Variants in GRID2 observed in about 807,000 individuals in gnomAD.
GRID2 encodes glutamate ionotropic receptor delta type subunit 2, also known as glutamate receptor ionotropic, delta-2.
Under a neutral mutation model 114.8 loss-of-function variants are expected in GRID2, and 33 were observed. The ratio of observed to expected loss-of-function variants is 0.29; its 90% confidence interval spans 0.22 to 0.38. GRID2 has a LOEUF of 0.38. Among genes scored for constraint, GRID2 ranks in the 10% least tolerant of loss-of-function variants. The pLI is 1.00. For missense variants in GRID2, 1,184 were observed against 1,257.7 expected (o/e 0.94, Z 0.89); for synonymous variants, 505 against 449.9 (o/e 1.12, Z -1.55).
intron 2 of GRID2, among the ~76,000 whole-genome samples, chr4:92,921,453 C>A (rs973246675): frequency 6.8e-6 from 1 of 146,320 alleles, no homozygotes; most frequent in African/African-American, 2.6e-5. Context: ...AGTTTTTCTG[C>A]TGTTTTTTCC....
chr4:93,463,824 C>A (rs567675823), intron 11 of GRID2, among the ~76,000 whole-genome samples: 1 of 151,990 alleles, frequency 6.6e-6, no homozygotes, highest in Non-Finnish European at 1.5e-5. Flanking sequence ...CCTGTCTCTA[C>A]TAAAAATACA....
At chr4:92,411,631 G>A (rs1731309890) in intron 1 of GRID2, among the ~76,000 whole-genome samples, 1 of 86,584 alleles carries the variant, frequency 1.2e-5, no homozygotes, top group African/African-American at 4.7e-5. Context: ...ATGCATGTGT[G>A]TGTGTGTGTG....
At chr4:93,808,619 T>C (rs942394188) in exon 2 of GRID2, 4 of 152,302 alleles carry the variant, frequency 2.6e-5, no homozygotes, top group Non-Finnish European at 5.9e-5. Flanking sequence ...CCTCACAGAA[T>C]GACAAAGAAG....
chr4:93,116,710 C>T (rs1290185796), intron 4 of GRID2, among the ~76,000 whole-genome samples: 1 of 151,256 alleles, frequency 6.6e-6, no homozygotes, highest in Admixed American at 6.6e-5. Flanking sequence ...AGTTTCCGGC[C>T]TTGCTGGGAA....
chr4:93,424,303 A>G (rs1358511216), intron 10 of GRID2, among the ~76,000 whole-genome samples: 1 of 151,820 alleles, frequency 6.6e-6, no homozygotes, highest in African/African-American at 2.4e-5. Flanking sequence ...TTGAGCTCCC[A>G]TTTGGTATAA....
chr4:93,761,133 A>T (rs1433257975), intron 14 of GRID2, among the ~76,000 whole-genome samples: 1 of 152,236 alleles, frequency 6.6e-6, no homozygotes, highest in Non-Finnish European at 1.5e-5. Context: ...TGTGGACTCA[A>T]CACATGATCA....
intron 1 of GRID2, among the ~76,000 whole-genome samples, chr4:92,569,992 T>C (rs1727531096): frequency 6.6e-6 from 1 of 152,180 alleles, no homozygotes; most frequent in Non-Finnish European, 1.5e-5. Flanking sequence ...TTTTTGCTTT[T>C]GTTGCATAAC....
chr4:93,299,210 T>G (rs1212599896), intron 8 of GRID2, among the ~76,000 whole-genome samples: 1 of 152,256 alleles, frequency 6.6e-6, no homozygotes, highest in Middle Eastern at 3.4e-3. Flanking sequence ...TCTCAGGCAC[T>G]CGTAGCCCAC....
chr4:92,367,557 G>T (rs567297908), intron 1 of GRID2, among the ~76,000 whole-genome samples: 1 of 151,970 alleles, frequency 6.6e-6, no homozygotes, highest in African/African-American at 2.4e-5. Flanking sequence ...ACATACAGGG[G>T]TGACTAAAAC....
intron 8 of GRID2, among the ~76,000 whole-genome samples, chr4:93,303,305 C>T (rs1755066255): frequency 6.6e-6 from 1 of 152,114 alleles, no homozygotes; most frequent in Non-Finnish European, 1.5e-5. Context: ...CAAAATATGT[C>T]CTAGAAGCTA....
chr4:92,478,967 G>A (rs1331663244), intron 1 of GRID2, among the ~76,000 whole-genome samples: 1 of 152,084 alleles, frequency 6.6e-6, no homozygotes, highest in Non-Finnish European at 1.5e-5. Context: ...GGATTTATGA[G>A]TTTCCTTTGT....
intron 8 of GRID2, among the ~76,000 whole-genome samples, chr4:93,361,926 C>T (rs1185287566): frequency 6.6e-6 from 1 of 152,066 alleles, no homozygotes; most frequent in Non-Finnish European, 1.5e-5. Context: ...CTGCACCTAT[C>T]AACCCATCAC....
chr4:93,656,829 C>CAAAAA (rs61508444), intron 14 of GRID2, among the ~76,000 whole-genome samples: 26 of 31,910 alleles, frequency 8.1e-4, no homozygotes, highest in South Asian at 5.4e-3. Context: ...GACTCTGCCT[C>CAAAAA]AAAAAAAAAA....
chr4:92,657,195 C>T (rs1037455992), intron 2 of GRID2, among the ~76,000 whole-genome samples: 1 of 150,692 alleles, frequency 6.6e-6, no homozygotes, highest in Non-Finnish European at 1.5e-5. Context: ...GGCTCCAGGG[C>T]ATCACTTACT....
At chr4:92,987,007 T>A (rs1297908012) in intron 2 of GRID2, among the ~76,000 whole-genome samples, 1 of 152,112 alleles carries the variant, frequency 6.6e-6, no homozygotes, top group African/African-American at 2.4e-5. Context: ...ATGTATACCC[T>A]TGAACAAAGT....
At chr4:93,194,867 C>T (rs1741331286) in intron 4 of GRID2, among the ~76,000 whole-genome samples, 1 of 152,034 alleles carries the variant, frequency 6.6e-6, no homozygotes, top group Non-Finnish European at 1.5e-5. Flanking sequence ...TTGGGGTAGG[C>T]CCAGCAATCT....
intron 3 of GRID2, among the ~76,000 whole-genome samples, chr4:93,101,567 T>C (rs564034110): frequency 5.3e-5 from 8 of 152,222 alleles, no homozygotes; most frequent in African/African-American, 1.9e-4. Context: ...TAAAAGCCTT[T>C]TTTGGGGTCA....
At chr4:92,442,874 T>C (rs867044720) in intron 1 of GRID2, among the ~76,000 whole-genome samples, 102 of 150,508 alleles carry the variant, frequency 6.8e-4, no homozygotes, top group East Asian at 4.5e-3. Context: ...GAGTAAATTG[T>C]TGGGCAGGAG....
chr4:93,791,396 A>T (rs983383097), intron 1 of GRID2, among the ~76,000 whole-genome samples: 6 of 152,204 alleles, frequency 3.9e-5, no homozygotes, highest in African/African-American at 1.4e-4. Flanking sequence ...GCAACATTAT[A>T]AAAAGGTCAT....
Sources: gnomAD v4.1 joint callset for allele counts (sites outside exome capture counted in the v4.1 genomes callset) on GRCh38, gnomAD v4.1.1 for gene constraint, MANE v1.5 for transcripts, NCBI Gene and HGNC (gene_info 2026-07-23, HGNC 2026-07-21) for gene names.